The following PCGF6 variants were observed in gnomAD, a reference collection of about 807,000 sequenced individuals.
PCGF6 encodes polycomb group ring finger 6, also known as polycomb group RING finger protein 6.
Under a neutral mutation model 45.5 loss-of-function variants are expected in PCGF6, and 24 were observed. The observed-to-expected ratio is 0.53, with a 90% confidence interval of 0.38 to 0.74. The LOEUF (loss-of-function observed/expected upper bound fraction) is 0.74, where lower values mean the gene tolerates loss of function less well. Ranked by LOEUF, PCGF6 falls within the 30% of genes least tolerant of loss-of-function variation. The pLI is 0.00. For missense variants in PCGF6, 356 were observed against 443.2 expected (o/e 0.80, Z 1.77); for synonymous variants, 152 against 162.1 (o/e 0.94, Z 0.47).
At chr10:103,321,853 AAAC>A (rs1303571993) in intron 8 of PCGF6, among the ~76,000 whole-genome samples, 1 of 152,110 alleles carries the variant, frequency 6.6e-6, no homozygotes, top group Non-Finnish European at 1.5e-5. Flanking sequence ...ACATATTTCA[AAAC>A]ATCATGTTGT....
At position 103,348,806 on chromosome 10, in the gene PCGF6, T is replaced by C. The variant is rs1401613808; in HGVS notation, c.467A>G (p.Lys156Arg). 1 of 1,612,142 alleles carries C rather than the reference T, an allele frequency of 6.2e-7. No homozygotes were observed. The highest frequency in any genetic ancestry group is 1.3e-5 in the African/African-American group (1 of 74,856). ...GTAAAAATGTCTTACGATGCAGCTT[T>C]TACAAACTGTTGAAAAAGAATGTTG... ...TITECLHTFC[K>R]SCIVRHFYYS... The change falls in exon 3 of 10, where the codon AAA (lysine) becomes AGA (arginine). Residue 156 changes from lysine to arginine, a missense_variant. Lys to Arg is a conservative substitution (Grantham distance 26). Transcript: ENST00000369847.
intron 9 of PCGF6, 69 bp from the exon 10 acceptor site, chr10:103,304,030 A>G (rs1449293434): frequency 6.8e-6 from 9 of 1,324,258 alleles, no homozygotes; most frequent in Non-Finnish European, 9.7e-6. Context: ...ATCAAGTCAA[A>G]GCTGGCTTAC....
chr10:103,329,990 C>T lies in PCGF6; in HGVS notation c.811-3358G>A, dbSNP rs117807544. On this transcript the variant is annotated intron_variant, in intron 7 of 9. Coordinates refer to ENST00000369847, the MANE Select transcript of PCGF6 (RefSeq NM_001011663.2). Reference sequence around the variant, plus strand: ...AGACGGGTGTTAGCCAGGATGGTATCGATCTCCTGACTCGTGATCCACCCG... The same window carrying T: ...AGACGGGTGTTAGCCAGGATGGTATTGATCTCCTGACTCGTGATCCACCCG... Among the ~76,000 whole-genome samples the T allele has an allele frequency of 8.2e-4, 122 of 148,234 alleles. No individual in the cohort carries two copies. The East Asian group carries it at 0.022, about 26-fold the overall frequency.
intron 9 of PCGF6, among the ~76,000 whole-genome samples, chr10:103,308,920 T>A (rs1318381463): frequency 6.6e-6 from 1 of 152,078 alleles, no homozygotes; most frequent in African/African-American, 2.4e-5. Context: ...ATGGCTGCTG[T>A]TCTGTGTTTC....
intron 1 of PCGF6, among the ~76,000 whole-genome samples, 153 bp downstream of exon 1, chr10:103,350,554 C>T (rs1250942857): frequency 1.3e-5 from 2 of 152,208 alleles, no homozygotes; most frequent in Admixed American, 1.3e-4. Context: ...GCGCCACACG[C>T]CTAGGCAGCC....
intron 8 of PCGF6, among the ~76,000 whole-genome samples, chr10:103,326,286 G>A (rs2093218069): frequency 6.6e-6 from 1 of 151,588 alleles, no homozygotes; most frequent in Non-Finnish European, 1.5e-5. Flanking sequence ...CTACTCGGGA[G>A]GCTGACGCAG....
chr10:103,318,585 A>G (rs1294828518), intron 8 of PCGF6, among the ~76,000 whole-genome samples: 1 of 151,858 alleles, frequency 6.6e-6, no homozygotes, highest in Admixed American at 6.6e-5. Context: ...TCTACCAAAA[A>G]TACAAAAAAA....
chr10:103,319,401 T>C (rs1040565154), intron 8 of PCGF6, among the ~76,000 whole-genome samples: 1 of 152,110 alleles, frequency 6.6e-6, no homozygotes, highest in Admixed American at 6.6e-5. Context: ...TGTGCCCGCC[T>C]CGGCCTCCCA....
chr10:103,324,786 A>G (rs2093211038), intron 8 of PCGF6, among the ~76,000 whole-genome samples: 1 of 149,092 alleles, frequency 6.7e-6, no homozygotes, highest in Admixed American at 6.7e-5. Flanking sequence ...AAAAAAAAAA[A>G]AAAAGAAAAT....
chr10:103,339,806 AAAAAACACACACACACACAC>A lies in PCGF6; in HGVS notation c.782+5198_782+5217del, dbSNP rs1234139380. Among the ~76,000 whole-genome samples the A allele has an allele frequency of 1.1e-3, 75 of 71,210 alleles. 5 individuals carry two copies. The East Asian group carries it at 0.018, about 17-fold the overall frequency. The allele number at this position is 71,210 out of a possible 152,430, so 46.7% of individuals were successfully genotyped here. ...AAGCGAAATTCTGTCTGTCTCAAAA[AAAAAACACACACACACACAC>A]ACACACACACACACACACACACACA... is the stretch of plus-strand genomic sequence containing the variant. On this transcript the variant is annotated intron_variant, in intron 6 of 9. Transcript: ENST00000369847.
At chr10:103,343,699 G>A (rs1163985726) in intron 6 of PCGF6, among the ~76,000 whole-genome samples, 7 of 151,866 alleles carry the variant, frequency 4.6e-5, no homozygotes, top group Non-Finnish European at 1.0e-4. Context: ...CAGGCGTGGT[G>A]GCATGTGCCT....
chr10:103,339,809 AAACACACAC>A (rs1354872477), intron 6 of PCGF6, among the ~76,000 whole-genome samples: 3,521 of 38,678 alleles, frequency 0.091, 238 homozygotes, highest in South Asian at 0.14. Flanking sequence ...CTCAAAAAAA[AAACACACAC>A]ACACACACAC....
At chr10:103,344,311 A>G (rs2093291656) in intron 6 of PCGF6, among the ~76,000 whole-genome samples, 2 of 149,524 alleles carry the variant, frequency 1.3e-5, no homozygotes, top group South Asian at 2.1e-4. Context: ...TCACTCTGTC[A>G]CCCAGACTGG....
At chr10:103,346,622 TAATA>T (rs796346519) in intron 5 of PCGF6, among the ~76,000 whole-genome samples, 39 of 151,914 alleles carry the variant, frequency 2.6e-4, no homozygotes, top group African/African-American at 8.2e-4. Flanking sequence ...AAAATAATCA[TAATA>T]AATAAATAAA....
intron 1 of PCGF6, among the ~76,000 whole-genome samples, chr10:103,350,075 T>TC (rs2093315599): frequency 7.3e-6 from 1 of 137,144 alleles, no homozygotes; most frequent in African/African-American, 2.7e-5. Context: ...AGAGCGAGAC[T>TC]CCGTCTCAAA....
At chr10:103,314,916 T>C (rs1031857197) in intron 8 of PCGF6, among the ~76,000 whole-genome samples, 21 of 133,806 alleles carry the variant, frequency 1.6e-4, no homozygotes, top group African/African-American at 5.5e-4. Flanking sequence ...GATCATGCCA[T>C]TGCATTCCAG....
At position 103,303,637 on chromosome 10, in the gene PCGF6, G is replaced by C. The variant is rs886792146; in HGVS notation, c.*268C>G. 3.3e-6 allele frequency: 1 copy of C among 305,072 alleles called. No homozygotes were observed. The highest frequency in any genetic ancestry group is 2.2e-5 in the African/African-American group (1 of 46,358). 18.9% of individuals were successfully genotyped at this position (305,072 alleles called of 1,614,324 possible). ...AGATGGGAAGCAAAATCAATGTCAAGGTATTTAAAATCATAAGAAATTTTA... is the reference window on the plus strand; with the variant it reads ...AGATGGGAAGCAAAATCAATGTCAACGTATTTAAAATCATAAGAAATTTTA... On this transcript the variant is annotated 3_prime_UTR_variant, in exon 10 of 10. Coordinates refer to ENST00000369847, the MANE Select transcript of PCGF6 (RefSeq NM_001011663.2).
At chr10:103,332,513 C>T (rs1292893820) in intron 7 of PCGF6, among the ~76,000 whole-genome samples, 1 of 151,850 alleles carries the variant, frequency 6.6e-6, no homozygotes, top group Non-Finnish European at 1.5e-5. Flanking sequence ...TGGCTCCAAG[C>T]AATCCTCCTG....
At chr10:103,330,021 G>T (rs1003185960) in intron 7 of PCGF6, among the ~76,000 whole-genome samples, 9 of 151,512 alleles carry the variant, frequency 5.9e-5, no homozygotes, top group Admixed American at 2.6e-4. Context: ...ACCCGCCTCA[G>T]CCTCCCAAAG....
Sources: allele counts gnomAD v4.1 joint callset (sites outside exome capture counted in the v4.1 genomes callset), GRCh38; gene constraint gnomAD v4.1.1; transcripts MANE v1.5; gene names NCBI Gene and HGNC (gene_info 2026-07-23, HGNC 2026-07-21).